ACSF3: variants seen among roughly 807,000 people sequenced by gnomAD.
ACSF3 encodes the protein acyl-CoA synthetase family member 3.
A neutral mutation model predicts 53.2 loss-of-function variants in ACSF3; 78 were observed. The ratio of observed to expected loss-of-function variants is 1.47; its 90% CI spans 1.22 to 1.77. ACSF3 has a LOEUF of 1.77. Among genes scored for constraint, ACSF3 ranks in the 40% most tolerant of loss-of-function variants. The pLI, the probability that ACSF3 is intolerant of heterozygous loss-of-function variation, is 0.00. For synonymous variants in ACSF3, 414 were observed against 333.1 expected (o/e 1.24, Z -2.65); for missense variants, 937 against 771.1 (o/e 1.22, Z -2.55).
At chr16:89,107,593 A>G (rs1976160998) in intron 4 of ACSF3, among the ~76,000 whole-genome samples, 1 of 152,216 alleles carries the variant, frequency 6.6e-6, no homozygotes, top group Admixed American at 6.5e-5. Flanking sequence ...TGGTGTGCAG[A>G]AGCCACAGTG....
At chr16:89,135,867 C>T (rs188166185) in intron 8 of ACSF3, among the ~76,000 whole-genome samples, 36 of 152,338 alleles carry the variant, frequency 2.4e-4, no homozygotes, top group African/African-American at 7.0e-4. Flanking sequence ...CTCTGCCTCT[C>T]GGGTTCAAGC....
intron 4 of ACSF3, among the ~76,000 whole-genome samples, chr16:89,105,168 T>G (rs1252147347): frequency 6.6e-6 from 1 of 151,334 alleles, no homozygotes; most frequent in Non-Finnish European, 1.5e-5. Flanking sequence ...GCTTCAGTCC[T>G]TATTTTTCAC....
chr16:89,147,794 AC>A (rs1239591876), intron 10 of ACSF3: 1 of 152,162 alleles, frequency 6.6e-6, no homozygotes, highest in Non-Finnish European at 1.5e-5. Context: ...CCCAAATCTT[AC>A]GTCCTTTTTA....
chr16:89,100,216 G>A (rs568972518), intron 2 of ACSF3, among the ~76,000 whole-genome samples: 13 of 152,266 alleles, frequency 8.5e-5, no homozygotes, highest in African/African-American at 1.2e-4. Context: ...AGGCAGCGCC[G>A]TGTCTGCCCC....
chr16:89,108,097 C>G (rs1201635684), intron 4 of ACSF3, among the ~76,000 whole-genome samples: 1 of 152,280 alleles, frequency 6.6e-6, no homozygotes, highest in South Asian at 2.1e-4. Flanking sequence ...GACTTATTCA[C>G]TATCATGAGA....
chr16:89,132,705 C>T (rs946682323), intron 7 of ACSF3, among the ~76,000 whole-genome samples: 6 of 152,244 alleles, frequency 3.9e-5, no homozygotes, highest in African/African-American at 1.2e-4. Context: ...GACAGGTGCC[C>T]GCTGCTGTGT....
intron 1 of ACSF3, among the ~76,000 whole-genome samples, chr16:89,095,573 C>A (rs1271204738): frequency 3.0e-5 from 4 of 134,634 alleles, no homozygotes; most frequent in Non-Finnish European, 6.1e-5. Flanking sequence ...GGAGGAAGTG[C>A]CGGCATCCAC....
chr16:89,141,930 C>T (rs1358697142), intron 8 of ACSF3, among the ~76,000 whole-genome samples: 1 of 152,240 alleles, frequency 6.6e-6, no homozygotes, highest in Non-Finnish European at 1.5e-5. Flanking sequence ...GCGTCCATCA[C>T]AGAGACAGGT....
intron 8 of ACSF3, among the ~76,000 whole-genome samples, chr16:89,143,468 C>T (rs532724033): frequency 9.9e-5 from 15 of 152,112 alleles, no homozygotes; most frequent in Non-Finnish European, 2.1e-4. Flanking sequence ...TGGCAGCCTC[C>T]CTGGTGTCAG....
chr16:89,121,969 G>A (rs1281021106), intron 7 of ACSF3, among the ~76,000 whole-genome samples: 2 of 152,152 alleles, frequency 1.3e-5, no homozygotes, highest in Non-Finnish European at 2.9e-5. Flanking sequence ...GCCACACGGC[G>A]TGTCCCGCCT....
intron 6 of ACSF3, among the ~76,000 whole-genome samples, chr16:89,115,550 C>G (rs1904977934): frequency 1.3e-5 from 2 of 152,252 alleles, no homozygotes; most frequent in Admixed American, 1.3e-4. Flanking sequence ...GCTTGTGACC[C>G]TGTTTTAAGC....
chr16:89,146,011 A>T lies in ACSF3; in HGVS notation c.1575A>T (p.Gly525=), dbSNP rs1184228985. The change falls in exon 10 of 11, where the codon GGA becomes GGT. Residue 525 remains glycine (G), a synonymous_variant. Transcript: ENST00000614302. ...CTGCTGTGGTGACCCTCCGAGAAGG[A>T]CACTCACTGTCCCACAGGGAGCTCA... ...RVTAVVTLRE[G]HSLSHRELKE... is the part of the protein sequence containing the mutation. The T allele has an allele frequency of 1.9e-6, 3 of 1,606,932 alleles. No individual in the cohort carries two copies. Among genetic ancestry groups the T allele is most frequent in the Non-Finnish European group, 2.5e-6 (3 of 1,176,552 alleles).
chr16:89,113,133 C>A, intron 5 of ACSF3: 1 of 152,354 alleles, frequency 6.6e-6, no homozygotes. Flanking sequence ...ATCACAGGCC[C>A]GCACCTCCAG....
At chr16:89,136,741 A>G in intron 8 of ACSF3, 2 of 1,287,272 alleles carry the variant, frequency 1.6e-6, no homozygotes, top group South Asian at 2.5e-5. Flanking sequence ...CTGTGCCTAC[A>G]GCCCGCTTCT....
At chr16:89,097,169 G>C (rs961073455) in intron 1 of ACSF3, among the ~76,000 whole-genome samples, 5 of 152,180 alleles carry the variant, frequency 3.3e-5, no homozygotes, top group African/African-American at 1.2e-4. Context: ...CGTGTGGTTA[G>C]CGTGTGCTCA....
intron 4 of ACSF3, among the ~76,000 whole-genome samples, chr16:89,103,162 G>T (rs974092285): frequency 4.6e-5 from 7 of 152,268 alleles, no homozygotes; most frequent in African/African-American, 1.7e-4. Flanking sequence ...TGAGACTGCA[G>T]TGGGCCACGC....
chr16:89,121,480 C>G (rs1483570107), intron 7 of ACSF3, among the ~76,000 whole-genome samples: 2 of 152,240 alleles, frequency 1.3e-5, no homozygotes, highest in Non-Finnish European at 2.9e-5. Flanking sequence ...GAACAAAGGA[C>G]ATTGTCTCAT....
At chr16:89,107,360 A>G (rs927718505) in intron 4 of ACSF3, among the ~76,000 whole-genome samples, 1 of 152,142 alleles carries the variant, frequency 6.6e-6, no homozygotes, top group African/African-American at 2.4e-5. Flanking sequence ...CGTTGCGTGC[A>G]TGCTGTCCCC....
At chr16:89,114,185 G>C in intron 5 of ACSF3, 154 bp from the exon 6 acceptor site, 1 of 976,262 alleles carries the variant, frequency 1.0e-6, no homozygotes, top group South Asian at 1.4e-5. Context: ...GTGTCGCACA[G>C]TGGTGCTGTA....
Sources: allele counts gnomAD v4.1 joint callset (sites outside exome capture counted in the v4.1 genomes callset), GRCh38; gene constraint gnomAD v4.1.1; transcripts MANE v1.5; gene names NCBI Gene and HGNC (gene_info 2026-07-23, HGNC 2026-07-21).